HERC6: variants seen among roughly 807,000 people sequenced by gnomAD.
HERC6 encodes probable E3 ubiquitin-protein ligase HERC6.
HERC6 carries 101 observed loss-of-function variants against 114.5 expected under a neutral mutation model. The ratio of observed to expected loss-of-function variants is 0.88; its 90% CI spans 0.75 to 1.04. The LOEUF is 1.04. Among genes scored for constraint, HERC6 ranks in the 50% least tolerant of loss-of-function variants. HERC6 has a pLI of 0.00. For missense variants in HERC6, 1,133 were observed against 1,230.9 expected (o/e 0.92, Z 1.19); for synonymous variants, 408 against 436.2 (o/e 0.94, Z 0.81).
In HERC6 at chr4:88,418,836, C is replaced by A. The variant is rs1016895095; in HGVS notation, c.1713+1257C>A. Among the ~76,000 whole-genome samples the A allele has an allele frequency of 5.3e-5, 8 of 152,246 alleles. No individual in the cohort carries two copies. The South Asian group carries it at 1.2e-3, about 24-fold the overall frequency. On this transcript the variant is annotated intron_variant, in intron 13 of 22. Transcript: ENST00000264346. ...CTGCCTCCTGGGTTCAAGTGATTCA[C>A]CTGCCTCAGCCTCCGGAATAGCTGG...
At chr4:88,383,405 A>T in intron 2 of HERC6, 25 bp downstream of exon 2, 2 of 1,459,592 alleles carry the variant, frequency 1.4e-6, no homozygotes, top group Non-Finnish European at 1.8e-6. Context: ...CCACTCCTTC[A>T]TTTATTCAAT....
intron 11 of HERC6, among the ~76,000 whole-genome samples, 181 bp downstream of exon 11, chr4:88,408,798 A>T (rs1015951700): frequency 6.6e-6 from 1 of 152,210 alleles, no homozygotes; most frequent in Non-Finnish European, 1.5e-5. Context: ...TTTAATTGAC[A>T]TGAGGCTGGC....
chr4:88,385,456 C>T (rs1194473239), intron 2 of HERC6, 43 bp from the exon 3 acceptor site: 11 of 951,914 alleles, frequency 1.2e-5, no homozygotes, highest in East Asian at 2.7e-5. Flanking sequence ...GGACAACTCG[C>T]TCTAAATAAG....
chr4:88,417,329 T>C, intron 12 of HERC6, 96 bp from the exon 13 acceptor site: 1 of 1,094,056 alleles, frequency 9.1e-7, no homozygotes, highest in Non-Finnish European at 1.3e-6. Context: ...AAATGTAAAA[T>C]ATTATCTATT....
chr4:88,403,717 G>A (rs1379050148), intron 8 of HERC6, among the ~76,000 whole-genome samples: 1 of 151,888 alleles, frequency 6.6e-6, no homozygotes, highest in Non-Finnish European at 1.5e-5. Flanking sequence ...TCATGCCACT[G>A]CACTCCAGCC....
At chr4:88,417,613 T>C (rs1297815847) in intron 13 of HERC6, 34 bp downstream of exon 13, 1 of 1,566,014 alleles carries the variant, frequency 6.4e-7, no homozygotes, top group Admixed American at 1.9e-5. Context: ...CATGTACTAT[T>C]TTATGTAATC....
intron 3 of HERC6, among the ~76,000 whole-genome samples, chr4:88,389,785 T>C (rs1414716536): frequency 6.6e-6 from 1 of 152,106 alleles, no homozygotes; most frequent in Non-Finnish European, 1.5e-5. Context: ...TAGAAGGAAA[T>C]CCTACCATTT....
At chr4:88,426,405 T>G (rs1737618480) in intron 15 of HERC6, among the ~76,000 whole-genome samples, 1 of 152,072 alleles carries the variant, frequency 6.6e-6, no homozygotes, top group Non-Finnish European at 1.5e-5. Context: ...CAACCTCAAG[T>G]GATCTGCCTG....
intron 15 of HERC6, among the ~76,000 whole-genome samples, chr4:88,427,884 A>C (rs1737786009): frequency 6.6e-6 from 1 of 152,236 alleles, no homozygotes; most frequent in South Asian, 2.1e-4. Context: ...CCAACACTAG[A>C]TTTCTAATCT....
chr4:88,416,996 T>A (rs997804139), intron 12 of HERC6, among the ~76,000 whole-genome samples: 4 of 152,214 alleles, frequency 2.6e-5, no homozygotes, highest in African/African-American at 9.6e-5. Flanking sequence ...ATGTACCAGA[T>A]GTTCATAAAA....
chr4:88,405,623 A>C lies in HERC6; in HGVS notation c.1274+10A>C. 7.1e-7 allele frequency: 1 copy of C among 1,406,018 alleles called. No homozygotes were observed. The highest frequency in any genetic ancestry group is 9.8e-7 in the Non-Finnish European group (1 of 1,020,522). The allele number at this position is 1,406,018 out of a possible 1,614,324, so 87.1% of individuals were successfully genotyped here. A position where few individuals can be genotyped will look rare whatever the true frequency, so the allele number is the denominator to read the frequency against. ...GTTTTTTAAAGAAAAGGTAATACTT[A>C]CATAAGATTTACCTTCATTTAAAAC... On this transcript the variant is annotated intron_variant, in intron 10 of 22. Coordinates refer to ENST00000264346, the MANE Select transcript of HERC6 (RefSeq NM_017912.4).
chr4:88,419,806 C>T (rs987765962), intron 13 of HERC6, among the ~76,000 whole-genome samples: 1 of 152,024 alleles, frequency 6.6e-6, no homozygotes, highest in Non-Finnish European at 1.5e-5. Context: ...TATTTGGTCT[C>T]GGTTCTGGAA....
At chr4:88,426,533 G>A (rs1053350669) in intron 15 of HERC6, among the ~76,000 whole-genome samples, 1 of 151,136 alleles carries the variant, frequency 6.6e-6, no homozygotes, top group Non-Finnish European at 1.5e-5. Flanking sequence ...AGGCTGGAGT[G>A]CGATGGTGCG....
chr4:88,400,029 A>G (rs1197716744), intron 8 of HERC6, among the ~76,000 whole-genome samples: 1 of 152,138 alleles, frequency 6.6e-6, no homozygotes, highest in African/African-American at 2.4e-5. Flanking sequence ...AGGCAGAACC[A>G]TAGGAAGAAA....
chr4:88,414,686 A>T (rs1736329191), intron 12 of HERC6, among the ~76,000 whole-genome samples: 1 of 152,114 alleles, frequency 6.6e-6, no homozygotes, highest in Non-Finnish European at 1.5e-5. Context: ...TTGCCATGGC[A>T]TTTGTAAACT....
At chr4:88,428,906 A>G (rs996041756) in intron 16 of HERC6, among the ~76,000 whole-genome samples, 156 bp downstream of exon 16, 1 of 152,258 alleles carries the variant, frequency 6.6e-6, no homozygotes, top group Admixed American at 6.5e-5. Context: ...GAGAATAGCA[A>G]TAGGATGCTT....
At chr4:88,437,035 T>A in intron 19 of HERC6, 64 bp downstream of exon 19, 1 of 1,207,890 alleles carries the variant, frequency 8.3e-7, no homozygotes, top group South Asian at 1.5e-5. Flanking sequence ...ATAATTTTTA[T>A]TATAGTATCT....
chr4:88,399,674 G>A (rs534529168), intron 8 of HERC6: 1 of 152,274 alleles, frequency 6.6e-6, no homozygotes, highest in South Asian at 2.1e-4. Flanking sequence ...GGGAGGCTGA[G>A]GCAGGAGAAT....
In HERC6 at chr4:88,390,714, C is replaced by T; in HGVS notation, c.499C>T (p.Pro167Ser). ...HGQLGLGKEF[P>S]SQASPQRVRS... Reference sequence around the variant, plus strand: ...GCAGCTGGGCTTGGGGAAGGAGTTCCCCTCCCAAGCCAGCCCGCAGAGGGT... The same window carrying T: ...GCAGCTGGGCTTGGGGAAGGAGTTCTCCTCCCAAGCCAGCCCGCAGAGGGT... Residue 167 changes from proline (P) to serine (S), a missense_variant, in exon 4 of 23, where the codon CCC becomes TCC. By Grantham distance (74) the Pro-to-Ser change is moderately conservative. Coordinates refer to ENST00000264346, the MANE Select transcript of HERC6 (RefSeq NM_017912.4). The T allele has an allele frequency of 1.2e-6, 2 of 1,613,844 alleles. No individual in the cohort carries two copies. The highest frequency in any genetic ancestry group is 2.2e-5 in the South Asian group (2 of 91,060).
Sources: allele counts gnomAD v4.1 joint callset (sites outside exome capture counted in the v4.1 genomes callset), GRCh38; gene constraint gnomAD v4.1.1; transcripts MANE v1.5; gene names NCBI Gene and HGNC (gene_info 2026-07-23, HGNC 2026-07-21).